The following SLC24A2 variants were observed in gnomAD, a reference collection of about 807,000 sequenced individuals.
SLC24A2 encodes the protein sodium/potassium/calcium exchanger 2.
Under a neutral mutation model 62.0 loss-of-function variants are expected in SLC24A2, and 36 were observed. The ratio of observed to expected loss-of-function variants is 0.58; its 90% CI spans 0.44 to 0.77. The LOEUF (loss-of-function observed/expected upper bound fraction) is 0.77, where lower values mean the gene tolerates loss of function less well. Ranked by LOEUF, SLC24A2 falls within the 30% of genes least tolerant of loss-of-function variation. The pLI, the probability that SLC24A2 is intolerant of heterozygous loss-of-function variation, is 0.00. For synonymous variants in SLC24A2, 358 were observed against 294.0 expected (o/e 1.22, Z -2.23); for missense variants, 846 against 817.9 (o/e 1.03, Z -0.42).
chr9:19,618,216 G>A (rs1817818492), intron 4 of SLC24A2, among the ~76,000 whole-genome samples: 2 of 152,208 alleles, frequency 1.3e-5, no homozygotes, highest in African/African-American at 2.4e-5. Context: ...GGAGGAAGGA[G>A]TTAAAGCAGT....
chr9:19,803,099 A>G, the SLC24A2 span, among the ~76,000 whole-genome samples: 2 of 152,182 alleles, frequency 1.3e-5, no homozygotes, highest in African/African-American at 4.8e-5. Flanking sequence ...AAAAATTTCT[A>G]TTCTTTATAA....
chr9:19,525,570 A>T (rs1342893892), intron 9 of SLC24A2, among the ~76,000 whole-genome samples: 1 of 150,596 alleles, frequency 6.6e-6, no homozygotes, highest in Non-Finnish European at 1.5e-5. Context: ...TGGCCAGCTA[A>T]TTTTTTGTAT....
chr9:20,095,745 G>A, the SLC24A2 span, among the ~76,000 whole-genome samples: 11 of 150,798 alleles, frequency 7.3e-5, no homozygotes, highest in African/African-American at 2.7e-4. Context: ...AGATACCCAA[G>A]ACTGGGTAAT....
the SLC24A2 span, among the ~76,000 whole-genome samples, chr9:20,033,711 A>G: frequency 2.6e-5 from 4 of 152,242 alleles, no homozygotes; most frequent in Non-Finnish European, 5.9e-5. Flanking sequence ...AGCAACTCAC[A>G]GAAGTTACCC....
chr9:19,770,761 A>T (rs527581028), intron 2 of SLC24A2, among the ~76,000 whole-genome samples: 3 of 152,216 alleles, frequency 2.0e-5, no homozygotes, highest in Non-Finnish European at 4.4e-5. Flanking sequence ...AGTCAGTAAG[A>T]TCCTCAGAAA....
the SLC24A2 span, among the ~76,000 whole-genome samples, chr9:19,987,269 G>A: frequency 6.6e-6 from 1 of 152,090 alleles, no homozygotes; most frequent in African/African-American, 2.4e-5. Flanking sequence ...TTTGCCACTG[G>A]AATATAATGG....
At chr9:19,993,699 G>C in the SLC24A2 span, among the ~76,000 whole-genome samples, 2 of 152,180 alleles carry the variant, frequency 1.3e-5, no homozygotes, top group Non-Finnish European at 2.9e-5. Flanking sequence ...CTTGGTCTGA[G>C]AGTGTGCAGG....
intron 2 of SLC24A2, chr9:19,705,382 G>C (rs928625959): frequency 1.2e-5 from 2 of 160,732 alleles, no homozygotes; most frequent in African/African-American, 2.4e-5. Flanking sequence ...TATTGAACTG[G>C]GAGTGGTGTC....
At chr9:19,618,257 G>C (rs551335179) in intron 4 of SLC24A2, among the ~76,000 whole-genome samples, 3 of 152,256 alleles carry the variant, frequency 2.0e-5, no homozygotes, top group South Asian at 4.1e-4. Flanking sequence ...CCCTTCTCTG[G>C]GGGTATATCC....
At chr9:20,298,758 A>G in the SLC24A2 span, among the ~76,000 whole-genome samples, 67,572 of 152,144 alleles carry the variant, frequency 0.44, 15,383 homozygotes, top group Middle Eastern at 0.6. Flanking sequence ...TACAACTACT[A>G]TCTTCATTTT....
chr9:19,991,670 G>A, the SLC24A2 span, among the ~76,000 whole-genome samples: 8 of 152,200 alleles, frequency 5.3e-5, no homozygotes, highest in South Asian at 1.7e-3. Context: ...ATCCTATACT[G>A]TCCTAAGAAT....
At chr9:19,581,972 G>C (rs942449652) in intron 5 of SLC24A2, among the ~76,000 whole-genome samples, 1 of 152,148 alleles carries the variant, frequency 6.6e-6, no homozygotes, top group Non-Finnish European at 1.5e-5. Context: ...TATTTGTATA[G>C]TTAAAAATCT....
the SLC24A2 span, among the ~76,000 whole-genome samples, chr9:19,979,175 T>A: frequency 6.6e-6 from 1 of 152,218 alleles, no homozygotes; most frequent in African/African-American, 2.4e-5. Flanking sequence ...CTGTCCTGGC[T>A]TACCTGGGAT....
At chr9:19,546,010 T>G (rs1366475683) in intron 8 of SLC24A2, among the ~76,000 whole-genome samples, 3 of 152,210 alleles carry the variant, frequency 2.0e-5, no homozygotes, top group African/African-American at 7.2e-5. Context: ...AGACCCTGTT[T>G]GCCTGGATAT....
intron 2 of SLC24A2, among the ~76,000 whole-genome samples, chr9:19,690,484 T>C (rs1264907820): frequency 6.6e-6 from 1 of 152,128 alleles, no homozygotes; most frequent in Admixed American, 6.6e-5. Flanking sequence ...CTGGGGATGG[T>C]AAGCTGATGA....
At chr9:20,010,643 G>T in the SLC24A2 span, among the ~76,000 whole-genome samples, 1 of 151,724 alleles carries the variant, frequency 6.6e-6, no homozygotes, top group Non-Finnish European at 1.5e-5. Flanking sequence ...AAGTTCTAGG[G>T]TACATGTGCA....
At chr9:19,660,373 CG>C (rs1435469904) in intron 2 of SLC24A2, among the ~76,000 whole-genome samples, 3 of 152,122 alleles carry the variant, frequency 2.0e-5, no homozygotes, top group Non-Finnish European at 4.4e-5. Flanking sequence ...CTTCTTTTAA[CG>C]GGCACCACAG....
At chr9:20,030,840 G>A in the SLC24A2 span, among the ~76,000 whole-genome samples, 1 of 152,124 alleles carries the variant, frequency 6.6e-6, no homozygotes, top group Non-Finnish European at 1.5e-5. Context: ...GAGAGATGAG[G>A]AAGTTGCAAA....
At chr9:20,067,994 A>C in the SLC24A2 span, among the ~76,000 whole-genome samples, 1 of 150,138 alleles carries the variant, frequency 6.7e-6, no homozygotes, top group Non-Finnish European at 1.5e-5. Flanking sequence ...TTACATTCCC[A>C]CCAACAGTGC....
Sources: gnomAD v4.1 joint callset for allele counts (sites outside exome capture counted in the v4.1 genomes callset) on GRCh38, gnomAD v4.1.1 for gene constraint, MANE v1.5 for transcripts, NCBI Gene and HGNC (gene_info 2026-07-23, HGNC 2026-07-21) for gene names.